CSMD1: variants seen among roughly 807,000 people sequenced by gnomAD.
CSMD1 encodes the protein CUB and Sushi multiple domains 1, also known as CUB and sushi domain-containing protein 1.
In CSMD1, 213 loss-of-function variants were observed where a neutral mutation model predicts 417.5. The observed-to-expected ratio is 0.51, with a 90% CI of 0.46 to 0.57. CSMD1 has a LOEUF of 0.57. CSMD1 is among the 20% of genes least tolerant of loss of function. The pLI is 0.00. For missense variants in CSMD1, 6,923 were observed against 4,529.7 expected (o/e 1.53, Z -15.17); for synonymous variants, 2,862 against 1,736.8 (o/e 1.65, Z -16.11).
intron 2 of CSMD1, among the ~76,000 whole-genome samples, chr8:4,624,644 C>T (rs1219565260): frequency 6.6e-6 from 1 of 152,156 alleles, no homozygotes; most frequent in Non-Finnish European, 1.5e-5. Context: ...AACGGTGGGT[C>T]GGTGCCCAGC....
At chr8:4,104,434 G>A (rs79048518) in intron 3 of CSMD1, among the ~76,000 whole-genome samples, 21 of 131,256 alleles carry the variant, frequency 1.6e-4, no homozygotes, top group Admixed American at 5.8e-4. Context: ...ATGCGCACAC[G>A]CATGCACACA....
At chr8:3,965,368 T>G (rs1344614715) in intron 5 of CSMD1, among the ~76,000 whole-genome samples, 1 of 152,194 alleles carries the variant, frequency 6.6e-6, no homozygotes, top group Non-Finnish European at 1.5e-5. Context: ...GAAGAGTTTG[T>G]GTGAACAAGC....
chr8:4,205,587 G>A (rs142726210), intron 3 of CSMD1, among the ~76,000 whole-genome samples: 5 of 152,166 alleles, frequency 3.3e-5, no homozygotes, highest in African/African-American at 1.2e-4. Context: ...TATAAATGAT[G>A]GGGTAGGATG....
At chr8:4,308,931 C>T (rs1285055503) in intron 3 of CSMD1, among the ~76,000 whole-genome samples, 1 of 152,052 alleles carries the variant, frequency 6.6e-6, no homozygotes, top group Non-Finnish European at 1.5e-5. Flanking sequence ...TTTATTTCTC[C>T]TTTTTTAAAG....
intron 1 of CSMD1, among the ~76,000 whole-genome samples, chr8:4,910,941 G>A (rs979124317): frequency 3.9e-5 from 6 of 152,134 alleles, no homozygotes. Context: ...TCTCTCCCAT[G>A]CTGTTCTCAC....
chr8:4,285,559 C>T (rs1415584439), intron 3 of CSMD1, among the ~76,000 whole-genome samples: 1 of 152,170 alleles, frequency 6.6e-6, no homozygotes, highest in Non-Finnish European at 1.5e-5. Context: ...TGGATGAGGG[C>T]AGGTTTCGCT....
chr8:3,965,643 A>G (rs1055568432), intron 5 of CSMD1, among the ~76,000 whole-genome samples: 2 of 152,026 alleles, frequency 1.3e-5, no homozygotes, highest in Non-Finnish European at 2.9e-5. Context: ...TTTGAAATGG[A>G]GTCTCACCCT....
At position 3,107,709 on chromosome 8, in the gene CSMD1, A is replaced by G; in HGVS notation, c.6835+9T>C. Reference sequence around the variant, plus strand: ...TGAATTCATGGTATTGTAATGAAGAAAGTATTACCTATTTCGAAATCATCA... The same window carrying G: ...TGAATTCATGGTATTGTAATGAAGAGAGTATTACCTATTTCGAAATCATCA... On this transcript the variant is annotated intron_variant, in intron 45 of 69. Transcript: ENST00000635120. 6.6e-7 allele frequency: 1 copy of G among 1,510,370 alleles called. No homozygotes were observed. The highest frequency in any genetic ancestry group is 9.1e-7 in the Non-Finnish European group (1 of 1,095,810). The allele number at this position is 1,510,370 out of a possible 1,614,324, so 93.6% of individuals were successfully genotyped here. A position where few individuals can be genotyped will look rare whatever the true frequency, so the allele number is the denominator to read the frequency against.
intron 1 of CSMD1, among the ~76,000 whole-genome samples, chr8:4,934,475 G>C (rs747839094): frequency 1.3e-5 from 2 of 152,168 alleles, no homozygotes; most frequent in Non-Finnish European, 2.9e-5. Context: ...ACTCCACTGA[G>C]TTATAGAAAA....
intron 3 of CSMD1, among the ~76,000 whole-genome samples, chr8:4,101,125 G>C (rs557389760): frequency 4.9e-4 from 75 of 152,292 alleles, no homozygotes; most frequent in African/African-American, 1.8e-3. Context: ...AGTCTTTTAA[G>C]GGCCTCAGCA....
chr8:4,151,738 G>A (rs913740889), intron 3 of CSMD1, among the ~76,000 whole-genome samples: 1 of 152,144 alleles, frequency 6.6e-6, no homozygotes, highest in Non-Finnish European at 1.5e-5. Flanking sequence ...GTAAATACTA[G>A]AGGAAGACTG....
At chr8:4,268,145 CA>C (rs367653744) in intron 3 of CSMD1, among the ~76,000 whole-genome samples, 9 of 152,028 alleles carry the variant, frequency 5.9e-5, no homozygotes, top group African/African-American at 2.2e-4. Flanking sequence ...TGTCCAAATC[CA>C]AAATGTATTT....
Position 4,335,326 on chromosome 8 carries a change from A to T in CSMD1, c.415+84627T>A, listed in dbSNP as rs148843489. On this transcript the variant is annotated intron_variant, in intron 3 of 69. Transcript: ENST00000635120. ...GGGAGGGTGAGGATTTCAACCTCGG[A>T]CTTTTGTGGGGAAAGGCACAAACAT... Among the ~76,000 whole-genome samples, 92 of 152,206 alleles carry T rather than the reference A, an allele frequency of 6.0e-4. 1 individual carries two copies. The highest frequency in any genetic ancestry group is 2.0e-3 in the African/African-American group (85 of 41,548).
intron 26 of CSMD1, among the ~76,000 whole-genome samples, chr8:3,245,703 A>G (rs976216418): frequency 5.9e-5 from 9 of 152,282 alleles, no homozygotes; most frequent in African/African-American, 2.2e-4. Flanking sequence ...TTTTCTTCAT[A>G]TAAAACCACA....
intron 6 of CSMD1, among the ~76,000 whole-genome samples, chr8:3,726,654 C>A (rs535845360): frequency 3.9e-4 from 59 of 152,230 alleles, no homozygotes; most frequent in Non-Finnish European, 7.9e-4. Context: ...TTCCATCATA[C>A]AGGTGACATC....
chr8:4,138,804 T>C (rs1057030000), intron 3 of CSMD1, among the ~76,000 whole-genome samples: 20 of 152,218 alleles, frequency 1.3e-4, no homozygotes, highest in South Asian at 1.0e-3. Flanking sequence ...TTTCATTTAA[T>C]GGTATTTTTT....
chr8:3,151,355 G>T, intron 40 of CSMD1, 42 bp downstream of exon 40: 1 of 1,287,786 alleles, frequency 7.8e-7, no homozygotes, highest in Non-Finnish European at 1.1e-6. Context: ...AGATGGAAAT[G>T]AAAAAAATGA....
intron 1 of CSMD1, among the ~76,000 whole-genome samples, chr8:4,773,347 G>C (rs1796690315): frequency 6.6e-6 from 1 of 152,030 alleles, no homozygotes; most frequent in East Asian, 1.9e-4. Flanking sequence ...CTGACTGGTG[G>C]CTTTTTGTTT....
chr8:3,938,997 G>C (rs1464195351), intron 5 of CSMD1, among the ~76,000 whole-genome samples: 1 of 151,864 alleles, frequency 6.6e-6, no homozygotes, highest in Non-Finnish European at 1.5e-5. Context: ...AATGGGGTGG[G>C]GTAGAATATT....
Sources: allele counts gnomAD v4.1 joint callset (sites outside exome capture counted in the v4.1 genomes callset), GRCh38; gene constraint gnomAD v4.1.1; transcripts MANE v1.5; gene names NCBI Gene and HGNC (gene_info 2026-07-23, HGNC 2026-07-21).